Variants in CENPP observed in about 807,000 individuals in gnomAD.
CENPP encodes centromere protein P.
In CENPP, 24 loss-of-function variants were observed where a neutral mutation model predicts 35.6. The observed-to-expected ratio is 0.67, with a 90% confidence interval of 0.49 to 0.95. The LOEUF is 0.95. Among genes scored for constraint, CENPP ranks in the 40% least tolerant of loss-of-function variants. CENPP has a pLI of 0.00. For missense variants in CENPP, 332 were observed against 345.3 expected (o/e 0.96, Z 0.31); for synonymous variants, 120 against 125.5 (o/e 0.96, Z 0.29).
chr9:92,388,548 A>G, intron 5 of CENPP, among the ~76,000 whole-genome samples: 1 of 137,506 alleles, frequency 7.3e-6, no homozygotes, highest in East Asian at 2.1e-4. Flanking sequence ...ACTTTAAAAC[A>G]AAAAAAAAAA....
rs74487467 is a variant in CENPP, at chr9:92,459,326, T to C, written c.564+79467T>C. Among the ~76,000 whole-genome samples the C allele has an allele frequency of 4.8e-3, 736 of 152,366 alleles. 4 individuals carry two copies. The highest frequency in any genetic ancestry group is 0.015 in the African/African-American group (640 of 41,592). ...ATGTCCTCCTGACCAGTCCTGCCTC[T>C]GCGTAGCCACCCCTGCCCTAAAATC... On this transcript the variant is annotated intron_variant, in intron 5 of 7. Transcript: ENST00000375587.
At chr9:92,539,351 A>AC (rs1216273871) in intron 5 of CENPP, among the ~76,000 whole-genome samples, 1 of 42,134 alleles carries the variant, frequency 2.4e-5, no homozygotes, top group Non-Finnish European at 5.4e-5. Flanking sequence ...CCGCTCCCCC[A>AC]CCCCCCACCC....
At position 92,617,728 on chromosome 9, in the gene CENPP, CA is replaced by C. The variant is rs1364207119; in HGVS notation, c.*4581del. 1 of 159,306 alleles carries C rather than the reference CA, an allele frequency of 6.3e-6. No homozygotes were observed. The highest frequency in any genetic ancestry group is 1.4e-5 in the Non-Finnish European group (1 of 72,412). The allele number at this position is 159,306 out of a possible 1,614,324, so 9.9% of individuals were successfully genotyped here. ...GTGCTGGGGATCGGGGTGGAGAAGC[CA>C]AGGCCGCACACTGTGTTTCAAATGG... is the stretch of plus-strand genomic sequence containing the variant. On this transcript the variant is annotated 3_prime_UTR_variant, in exon 8 of 8. Coordinates refer to ENST00000375587, the MANE Select transcript of CENPP (RefSeq NM_001012267.3).
intron 5 of CENPP, among the ~76,000 whole-genome samples, chr9:92,587,109 G>GA (rs1376494081): frequency 6.6e-6 from 1 of 151,674 alleles, no homozygotes; most frequent in Non-Finnish European, 1.5e-5. Context: ...TATGCTCAGA[G>GA]AAAAAAGAAA....
chr9:92,584,786 GTTTAAA>G (rs1177245633), intron 5 of CENPP, among the ~76,000 whole-genome samples: 1 of 151,922 alleles, frequency 6.6e-6, no homozygotes, highest in Non-Finnish European at 1.5e-5. Flanking sequence ...TTCCTTTCTT[GTTTAAA>G]TTTATTTCTC....
At chr9:92,416,045 A>G (rs1843588495) in intron 5 of CENPP, among the ~76,000 whole-genome samples, 1 of 104,146 alleles carries the variant, frequency 9.6e-6, no homozygotes, top group African/African-American at 3.0e-5. Flanking sequence ...AAATAAATAT[A>G]TTATATATGT....
At chr9:92,454,938 A>G (rs1844831002) in intron 5 of CENPP, among the ~76,000 whole-genome samples, 1 of 152,182 alleles carries the variant, frequency 6.6e-6, no homozygotes, top group South Asian at 2.1e-4. Flanking sequence ...TGCTCAAAAA[A>G]GTAGCAGTTT....
In CENPP at chr9:92,614,902, G is replaced by A. The variant is rs1407955835; in HGVS notation, c.*1753G>A. The A allele has an allele frequency of 6.6e-6, 1 of 152,502 alleles. No individual in the cohort carries two copies. Among genetic ancestry groups the A allele is most frequent in the South Asian group, 2.1e-4 (1 of 4,816 alleles). The allele number at this position is 152,502 out of a possible 1,614,324, so 9.4% of individuals were successfully genotyped here. A position where few individuals can be genotyped will look rare whatever the true frequency, so the allele number is the denominator to read the frequency against. On this transcript the variant is annotated 3_prime_UTR_variant, in exon 8 of 8. Transcript: ENST00000375587. ...TGGCAGCCTAACAGGGAGAGGCCAC[G>A]GGGCCCAAAAACGCAACACGTCTCA... is the stretch of plus-strand genomic sequence containing the variant.
At chr9:92,582,586 C>G (rs543460867) in intron 5 of CENPP, among the ~76,000 whole-genome samples, 6 of 151,436 alleles carry the variant, frequency 4.0e-5, no homozygotes, top group African/African-American at 1.5e-4. Context: ...CTGATTCTGC[C>G]CTCTCTTTTA....
intron 1 of CENPP, among the ~76,000 whole-genome samples, chr9:92,328,097 G>C (rs1341524750): frequency 7.9e-5 from 12 of 152,030 alleles, no homozygotes; most frequent in Admixed American, 5.9e-4. Flanking sequence ...AGAGGGAGTC[G>C]GTTCAGGTGA....
intron 5 of CENPP, among the ~76,000 whole-genome samples, chr9:92,442,236 A>T (rs559944896): frequency 7.2e-5 from 11 of 152,040 alleles, no homozygotes; most frequent in African/African-American, 2.7e-4. Context: ...CGTCTCTACT[A>T]AAAATAAAAA....
At chr9:92,426,721 A>G (rs1274758738) in intron 5 of CENPP, among the ~76,000 whole-genome samples, 1 of 152,166 alleles carries the variant, frequency 6.6e-6, no homozygotes. Context: ...AGTTACAAAT[A>G]AATAAGCGAG....
intron 5 of CENPP, chr9:92,403,351 T>C (rs1314296265): frequency 6.2e-7 from 1 of 1,613,580 alleles, no homozygotes; most frequent in East Asian, 2.2e-5. Context: ...TTGGTGGTGC[T>C]GGCTTTATCA....
chr9:92,400,155 T>G (rs1843049431), intron 5 of CENPP, among the ~76,000 whole-genome samples: 1 of 152,150 alleles, frequency 6.6e-6, no homozygotes, highest in South Asian at 2.1e-4. Context: ...TTTGTTTTTG[T>G]TTTTGTTTTT....
In CENPP at chr9:92,438,413, C is replaced by A. The variant is rs77953754; in HGVS notation, c.564+58554C>A. Among the ~76,000 whole-genome samples the A allele has an allele frequency of 1.2e-3, 177 of 152,300 alleles. 1 individual carries two copies. The highest frequency in any genetic ancestry group is 3.8e-3 in the African/African-American group (157 of 41,574). On this transcript the variant is annotated intron_variant, in intron 5 of 7. Coordinates refer to ENST00000375587, the MANE Select transcript of CENPP (RefSeq NM_001012267.3). Reference sequence around the variant, plus strand: ...GCAGGTTTGTTTCTGATCCTCAGTTCTGTTCTATTGCTCTATGTGTCTGCC... The same window carrying A: ...GCAGGTTTGTTTCTGATCCTCAGTTATGTTCTATTGCTCTATGTGTCTGCC...
At position 92,585,606 on chromosome 9, in the gene CENPP, G is replaced by A. The variant is rs966090621; in HGVS notation, c.565-25708G>A. On this transcript the variant is annotated intron_variant, in intron 5 of 7. Coordinates refer to ENST00000375587, the MANE Select transcript of CENPP (RefSeq NM_001012267.3). ...CAAACCAAAGAAAATGGGAGAGTAGGGCTCTCAAAGAATCAGTATCTCCTC... is the reference window on the plus strand; with the variant it reads ...CAAACCAAAGAAAATGGGAGAGTAGAGCTCTCAAAGAATCAGTATCTCCTC... Among the ~76,000 whole-genome samples, 8 of 152,088 alleles carry A rather than the reference G, an allele frequency of 5.3e-5. No homozygotes were observed. The East Asian group carries it at 5.8e-4, about 11-fold the overall frequency.
intron 4 of CENPP, among the ~76,000 whole-genome samples, chr9:92,362,058 A>C (rs1385760517): frequency 2.0e-5 from 3 of 152,074 alleles, no homozygotes; most frequent in Non-Finnish European, 4.4e-5. Context: ...AGATAAAATA[A>C]ATTCAAGTAT....
intron 5 of CENPP, among the ~76,000 whole-genome samples, chr9:92,543,288 A>G (rs1401166515): frequency 6.6e-6 from 1 of 152,024 alleles, no homozygotes; most frequent in Non-Finnish European, 1.5e-5. Context: ...CCTGGCCAAC[A>G]TGGTGAAACC....
chr9:92,580,787 G>T (rs1274669932), intron 5 of CENPP, among the ~76,000 whole-genome samples: 9 of 152,264 alleles, frequency 5.9e-5, no homozygotes, highest in African/African-American at 1.9e-4. Flanking sequence ...AGGGTTTTTT[G>T]TGTGTCTATT....
Sources: gnomAD v4.1 joint callset for allele counts (sites outside exome capture counted in the v4.1 genomes callset) on GRCh38, gnomAD v4.1.1 for gene constraint, MANE v1.5 for transcripts, NCBI Gene and HGNC (gene_info 2026-07-23, HGNC 2026-07-21) for gene names.